The following ADAM19 variants were observed in gnomAD, a reference collection of about 807,000 sequenced individuals.
The protein encoded by ADAM19 is disintegrin and metalloproteinase domain-containing protein 19.
ADAM19 carries 65 observed loss-of-function variants against 114.7 expected under a neutral mutation model. The observed-to-expected ratio is 0.57, with a 90% CI of 0.46 to 0.70. ADAM19 has a LOEUF of 0.70. Ranked by LOEUF, ADAM19 falls within the 30% of genes least tolerant of loss-of-function variation. The pLI is 0.00. For missense variants in ADAM19, 1,063 were observed against 1,204.7 expected (o/e 0.88, Z 1.74); for synonymous variants, 466 against 460.5 (o/e 1.01, Z -0.15).
intron 18 of ADAM19, 23 bp from the exon 19 acceptor site, chr5:157,490,477 G>A (rs1755115139): frequency 6.2e-7 from 1 of 1,610,178 alleles, no homozygotes. Flanking sequence ...GAACCCAAGT[G>A]GGAGATTTAG....
At chr5:157,499,410 G>A (rs547532149) in intron 13 of ADAM19, among the ~76,000 whole-genome samples, 163 bp downstream of exon 13, 3 of 152,172 alleles carry the variant, frequency 2.0e-5, no homozygotes, top group Non-Finnish European at 4.4e-5. Flanking sequence ...TATAGGAATA[G>A]TAAATTTTAT....
intron 3 of ADAM19, among the ~76,000 whole-genome samples, chr5:157,556,069 T>A (rs192573921): frequency 7.9e-5 from 12 of 152,216 alleles, no homozygotes; most frequent in Admixed American, 7.9e-4. Flanking sequence ...TGAGACGGAG[T>A]CTCGCTCTGT....
intron 7 of ADAM19, among the ~76,000 whole-genome samples, chr5:157,514,154 A>C (rs1756019498): frequency 6.6e-6 from 1 of 152,182 alleles, no homozygotes; most frequent in African/African-American, 2.4e-5. Context: ...GAAAACGTGC[A>C]CAGAAATAAC....
At chr5:157,491,285 T>C (rs1448409186) in intron 18 of ADAM19, among the ~76,000 whole-genome samples, 1 of 152,216 alleles carries the variant, frequency 6.6e-6, no homozygotes, top group Non-Finnish European at 1.5e-5. Context: ...AGGTTCATGA[T>C]TATTTTTAAG....
At chr5:157,487,229 C>T (rs1754970091) in intron 21 of ADAM19, among the ~76,000 whole-genome samples, 1 of 152,138 alleles carries the variant, frequency 6.6e-6, no homozygotes, top group Non-Finnish European at 1.5e-5. Flanking sequence ...CTTCTCTCTC[C>T]CTGTCAATCT....
rs771733139 is a variant in ADAM19 at position 157,477,621 on chromosome 5, T to C, written c.*3328A>G. 7.6e-5 allele frequency: 98 copies of C among 1,282,510 alleles called. No individual in the cohort carries two copies. The highest frequency in any genetic ancestry group is 2.1e-4 in the Middle Eastern group (1 of 4,688). 79.4% of individuals were successfully genotyped at this position (1,282,510 alleles called of 1,614,324 possible). ...CCCCTGGGGAAGGGGACCTTTCCAG[T>C]TGGCGTTCCCATGGCTTTCTTGGGT... On this transcript the variant is annotated 3_prime_UTR_variant, in exon 23 of 23. Transcript: ENST00000257527.
At chr5:157,548,200 G>C (rs961139586) in intron 3 of ADAM19, among the ~76,000 whole-genome samples, 1 of 152,044 alleles carries the variant, frequency 6.6e-6, no homozygotes, top group Admixed American at 6.6e-5. Context: ...CCCCAATCCA[G>C]AGGAAGTTCC....
chr5:157,502,932 G>A lies in ADAM19; in HGVS notation c.1179C>T (p.Asp393=), dbSNP rs761606142. Reference sequence around the variant, plus strand: ...TTCCACCACCTGACTGCAGATACCTGTCCAGCTCCCTCCTGTTGCATCCAT... The same window carrying A: ...TTCCACCACCTGACTGCAGATACCTATCCAGCTCCCTCCTGTTGCATCCAT... ...VFNGCNRREL[D]RYLQSGGGMC... Residue 393 remains aspartate, a synonymous_variant, in exon 12 of 23, where the codon GAC becomes GAT. Coordinates refer to ENST00000257527, the MANE Select transcript of ADAM19 (RefSeq NM_033274.5). 1 of 1,614,160 alleles carries A rather than the reference G, an allele frequency of 6.2e-7. No homozygotes were observed. Among genetic ancestry groups the A allele is most frequent in the Non-Finnish European group, 8.5e-7 (1 of 1,180,040 alleles).
chr5:157,534,972 T>C (rs1344266723), intron 4 of ADAM19, among the ~76,000 whole-genome samples: 1 of 152,190 alleles, frequency 6.6e-6, no homozygotes, highest in Non-Finnish European at 1.5e-5. Flanking sequence ...GCCTAAGCCT[T>C]GCCACTTACT....
chr5:157,534,336 C>T (rs1156305027), intron 4 of ADAM19, among the ~76,000 whole-genome samples: 5 of 151,978 alleles, frequency 3.3e-5, no homozygotes, highest in East Asian at 1.9e-4. Flanking sequence ...GGCGTGATGG[C>T]GGGCACTTGT....
intron 3 of ADAM19, among the ~76,000 whole-genome samples, chr5:157,551,216 C>A (rs1426190337): frequency 6.6e-6 from 1 of 151,904 alleles, no homozygotes; most frequent in Non-Finnish European, 1.5e-5. Flanking sequence ...ACCAGCCTGG[C>A]CAACATGGTG....
chr5:157,490,808 C>T (rs1282216782), intron 18 of ADAM19, among the ~76,000 whole-genome samples: 3 of 150,512 alleles, frequency 2.0e-5, no homozygotes, highest in African/African-American at 7.3e-5. Flanking sequence ...AGGAGAATCA[C>T]TTGAACCCGG....
In ADAM19 at chr5:157,481,040, T is replaced by A. The variant is rs145463456; in HGVS notation, c.2704-38A>T. The A allele has an allele frequency of 4.2e-4, 678 of 1,613,564 alleles. 3 individuals are homozygous for A. The African/African-American group carries it at 8.1e-3, about 19-fold the overall frequency. On this transcript the variant is annotated intron_variant, in intron 22 of 22. Transcript: ENST00000257527. ...AGAAGGGAGGGAGAGAGACATCAGC[T>A]TGATGCTGATCAATGGGATCAAGGG...
chr5:157,529,355 G>A (rs905893333), intron 5 of ADAM19, among the ~76,000 whole-genome samples: 2 of 152,018 alleles, frequency 1.3e-5, no homozygotes, highest in Non-Finnish European at 2.9e-5. Context: ...ATTGAAAGTG[G>A]TCTACATAAA....
intron 3 of ADAM19, among the ~76,000 whole-genome samples, chr5:157,561,443 A>G (rs527560091): frequency 3.3e-4 from 51 of 152,308 alleles, no homozygotes; most frequent in African/African-American, 1.1e-3. Context: ...ATGATGAAAA[A>G]GAAATTTAAA....
At chr5:157,567,201 G>C (rs1180179457) in intron 2 of ADAM19, among the ~76,000 whole-genome samples, 1 of 152,246 alleles carries the variant, frequency 6.6e-6, no homozygotes, top group East Asian at 1.9e-4. Context: ...GGTCACCAAG[G>C]GCTCTGATGA....
At position 157,520,048 on chromosome 5, in the gene ADAM19, T is replaced by C. The variant is rs371802284; in HGVS notation, c.408-17A>G. ...ATCAGTCCTCTGTTGAGAGGAGAAA[T>C]AGAATCTCTGGTCAAAGATTATGGT... On this transcript the variant is annotated splice_polypyrimidine_tract_variant and intron_variant, in intron 5 of 22. Transcript: ENST00000257527. The C allele has an allele frequency of 1.9e-5, 31 of 1,593,162 alleles. 1 individual carries two copies. The East Asian group carries it at 5.4e-4, about 28-fold the overall frequency.
intron 14 of ADAM19, among the ~76,000 whole-genome samples, chr5:157,496,197 T>C (rs192885930): frequency 0.01 from 1,475 of 146,978 alleles, 29 homozygotes; most frequent in African/African-American, 0.038. Context: ...TTCACTTAAT[T>C]TTTTGTGGAA....
At position 157,478,410 on chromosome 5, in the gene ADAM19, G is replaced by A. The variant is rs571966172; in HGVS notation, c.*2539C>T. The A allele has an allele frequency of 3.0e-5, 7 of 230,468 alleles. No homozygotes were observed. The South Asian group carries it at 6.3e-4, about 21-fold the overall frequency. 14.3% of individuals were successfully genotyped at this position (230,468 alleles called of 1,614,324 possible). A position where few individuals can be genotyped will look rare whatever the true frequency, so the allele number is the denominator to read the frequency against. On this transcript the variant is annotated 3_prime_UTR_variant, in exon 23 of 23. Transcript: ENST00000257527. The stretch of plus-strand genomic sequence containing the variant: ...TCCTTTTCTGCCTGGGCTTTGAGAC[G>A]CTTGCAGATCTTGCCATCGGTCGGT...
Sources: allele counts gnomAD v4.1 joint callset (sites outside exome capture counted in the v4.1 genomes callset), GRCh38; gene constraint gnomAD v4.1.1; transcripts MANE v1.5; gene names NCBI Gene and HGNC (gene_info 2026-07-23, HGNC 2026-07-21).